Variants in IL1F10 observed in about 807,000 individuals in gnomAD.
IL1F10 encodes interleukin 1 family member 10, also known as interleukin-1 family member 10.
IL1F10 carries 13 observed loss-of-function variants against 13.1 expected under a neutral mutation model. That is an observed-to-expected ratio of 0.99 (90% CI 0.64 to 1.57). The LOEUF is 1.57. Among genes scored for constraint, IL1F10 ranks in the 40% most tolerant of loss-of-function variants. The pLI, the probability that IL1F10 is intolerant of heterozygous loss-of-function variation, is 0.00. For missense variants in IL1F10, 191 were observed against 184.1 expected (o/e 1.04, Z -0.22); for synonymous variants, 78 against 68.2 (o/e 1.14, Z -0.71).
intron 1 of IL1F10, among the ~76,000 whole-genome samples, chr2:113,071,003 A>G (rs1458936772): frequency 6.6e-6 from 1 of 152,228 alleles, no homozygotes; most frequent in Non-Finnish European, 1.5e-5. Context: ...CTTTAACTGA[A>G]CACTTCATTT....
In IL1F10 at chr2:113,074,336, T is replaced by C. The variant is rs537829080; in HGVS notation, c.40T>C (p.Tyr14His). The C allele has an allele frequency of 3.3e-5, 53 of 1,610,100 alleles. 1 individual carries two copies. The South Asian group carries it at 5.4e-4, about 16-fold the overall frequency. Residue 14 changes from tyrosine (Y) to histidine (H), a missense_variant, in exon 3 of 5, where the codon TAT (tyrosine) becomes CAT (histidine). Transcript: ENST00000341010. ...LPMARYYIIK[Y>H]ADQKALYTRD... ...ACTGTCATACTGTTTCAGAATTAAA[T>C]ATGCAGACCAGAAGGCTCTATACAC...
Position 113,074,650 on chromosome 2 carries a change from G to A in IL1F10, c.119-73G>A, listed in dbSNP as rs1415600144. 5.7e-6 allele frequency: 9 copies of A among 1,579,010 alleles called. No homozygotes were observed. In the East Asian group the frequency reaches 1.1e-4, roughly 20 times the overall value. On this transcript the variant is annotated intron_variant, in intron 3 of 4. Transcript: ENST00000341010. ...GCCCATGTCCAGTTCCTTCCTGCCT[G>A]AGCCTTTACCTGCCAAGAGCCTGCA...
intron 1 of IL1F10, among the ~76,000 whole-genome samples, chr2:113,068,938 A>G (rs1685789046): frequency 6.6e-6 from 1 of 152,226 alleles, no homozygotes; most frequent in Non-Finnish European, 1.5e-5. Flanking sequence ...CCATGAATGT[A>G]TAGTGCTGAA....
intron 1 of IL1F10, among the ~76,000 whole-genome samples, chr2:113,071,959 C>G (rs1311872955): frequency 1.3e-5 from 2 of 152,198 alleles, no homozygotes; most frequent in Non-Finnish European, 2.9e-5. Context: ...AAATTCTGGA[C>G]TGGCCTTTCC....
At chr2:113,072,497 G>A in intron 1 of IL1F10, 2 of 512,438 alleles carry the variant, frequency 3.9e-6, no homozygotes, top group Non-Finnish European at 7.0e-6. Context: ...CTGGTGGCTG[G>A]ACTTGCTCCC....
intron 1 of IL1F10, among the ~76,000 whole-genome samples, chr2:113,070,045 GTT>G (rs1685806420): frequency 6.6e-6 from 1 of 152,204 alleles, no homozygotes; most frequent in Non-Finnish European, 1.5e-5. Context: ...TGATGGCAGT[GTT>G]TGAGCCAGGA....
rs1457071893 is a variant in IL1F10, at chr2:113,075,750, C to T, written c.*386C>T. 6.4e-6 allele frequency: 1 copy of T among 156,914 alleles called. No homozygotes were observed. Among genetic ancestry groups the T allele is most frequent in the African/African-American group, 2.4e-5 (1 of 41,636 alleles). 9.7% of individuals were successfully genotyped at this position (156,914 alleles called of 1,614,324 possible). On this transcript the variant is annotated 3_prime_UTR_variant, in exon 5 of 5. Transcript: ENST00000341010. ...TCTCCTCTAGAGTCTCCGGAAGGAA[C>T]ACAGCTCTTGACACATGGATTTCAG... is the stretch of plus-strand genomic sequence containing the variant.
chr2:113,071,265 C>G lies in IL1F10; in HGVS notation c.-28-1446C>G, dbSNP rs185238740. 6.6e-5 allele frequency among the ~76,000 whole-genome samples: 10 copies of G among 152,296 alleles called. No individual in the cohort carries two copies. The East Asian group carries it at 1.2e-3, about 18-fold the overall frequency. ...CTAAAACAAGCTTCTATAATATCAT[C>G]TTTAACAAACACATACATCCTTATT... On this transcript the variant is annotated intron_variant, in intron 1 of 4. Coordinates refer to ENST00000341010, the MANE Select transcript of IL1F10 (RefSeq NM_173161.3).
In IL1F10 at chr2:113,074,387, G is replaced by A. The variant is rs201389496; in HGVS notation, c.91G>A (p.Asp31Asn). Residue 31 changes from aspartate to asparagine, a missense_variant, in exon 3 of 5, where the codon GAT becomes AAT. Coordinates refer to ENST00000341010, the MANE Select transcript of IL1F10 (RefSeq NM_173161.3). The part of the protein sequence containing the change: ...YTRDGQLLVG[D>N]PVADNCCAEK... Reference sequence around the variant, plus strand: ...AAGAGATGGCCAGCTGCTGGTGGGAGATCCTGTTGCAGACAACTGCTGTGC... The same window carrying A: ...AAGAGATGGCCAGCTGCTGGTGGGAAATCCTGTTGCAGACAACTGCTGTGC... 253 of 1,613,800 alleles carry A rather than the reference G, an allele frequency of 1.6e-4. 1 individual carries two copies. Among genetic ancestry groups the A allele is most frequent in the Admixed American group, 5.0e-5 (3 of 59,998 alleles).
intron 2 of IL1F10, among the ~76,000 whole-genome samples, chr2:113,074,040 C>T (rs1489360455): frequency 6.6e-6 from 1 of 152,140 alleles, no homozygotes; most frequent in African/African-American, 2.4e-5. Flanking sequence ...TTTCTTTACC[C>T]CTCTGTCAGA....
At chr2:113,074,604 A>G (rs1276460252) in intron 3 of IL1F10, 119 bp from the exon 4 acceptor site, 2 of 1,324,852 alleles carry the variant, frequency 1.5e-6, no homozygotes, top group Non-Finnish European at 2.2e-6. Flanking sequence ...TCCAGTCTGC[A>G]TGCAGGGCCA....
At chr2:113,074,463 C>T in intron 3 of IL1F10, 49 bp downstream of exon 3, 1 of 1,411,822 alleles carries the variant, frequency 7.1e-7, no homozygotes. Flanking sequence ...ATAGGCCCTC[C>T]CTTCTCTTCT....
At chr2:113,070,192 C>T (rs1309443308) in intron 1 of IL1F10, among the ~76,000 whole-genome samples, 1 of 152,132 alleles carries the variant, frequency 6.6e-6, no homozygotes. Flanking sequence ...GGGGGTGAGG[C>T]ATGTGGCACA....
intron 1 of IL1F10, among the ~76,000 whole-genome samples, chr2:113,069,900 G>A (rs1685800887): frequency 6.6e-6 from 1 of 152,192 alleles, no homozygotes; most frequent in Admixed American, 6.5e-5. Context: ...GGAATCAAAA[G>A]AATCTCTGGA....
intron 1 of IL1F10, among the ~76,000 whole-genome samples, chr2:113,070,267 C>A (rs28928281): frequency 1.3e-5 from 2 of 152,150 alleles, no homozygotes; most frequent in African/African-American, 2.4e-5. Context: ...ATGGACCAGA[C>A]GCTAGCTTCC....
At chr2:113,071,836 T>A (rs1685841219) in intron 1 of IL1F10, among the ~76,000 whole-genome samples, 1 of 152,108 alleles carries the variant, frequency 6.6e-6, no homozygotes, top group South Asian at 2.1e-4. Flanking sequence ...TCTATTCCCT[T>A]CTTATTTGGT....
At chr2:113,074,689 T>A in intron 3 of IL1F10, 34 bp from the exon 4 acceptor site, 1 of 1,612,414 alleles carries the variant, frequency 6.2e-7, no homozygotes, top group Non-Finnish European at 8.5e-7. Flanking sequence ...TGGGGTTCCC[T>A]TGTCCCTTGA....
At chr2:113,072,651 C>G (rs891097424) in intron 1 of IL1F10, 60 bp from the exon 2 acceptor site, 1 of 1,181,594 alleles carries the variant, frequency 8.5e-7, no homozygotes, top group Non-Finnish European at 1.2e-6. Flanking sequence ...AGCCCCAGCA[C>G]GTCTGCCTCT....
In IL1F10 at chr2:113,074,833, C is replaced by T. The variant is rs766053561; in HGVS notation, c.229C>T (p.Pro77Ser). The T allele has an allele frequency of 2.5e-6, 4 of 1,612,420 alleles. No individual in the cohort carries two copies. Among genetic ancestry groups the T allele is most frequent in the Non-Finnish European group, 3.4e-6 (4 of 1,179,898 alleles). Residue 77 changes from proline to serine, a missense_variant, in exon 4 of 5, where the codon CCT becomes TCT. Transcript: ENST00000341010. ...CLACVETEEG[P>S]SLQLEDVNIE... is the part of the protein sequence containing the mutation. ...GGCATGTGTGGAGACAGAAGAGGGG[C>T]CTTCCCTACAGCTGGAGGTGAGAGG...
Sources: allele counts gnomAD v4.1 joint callset (sites outside exome capture counted in the v4.1 genomes callset), GRCh38; gene constraint gnomAD v4.1.1; transcripts MANE v1.5; gene names NCBI Gene and HGNC (gene_info 2026-07-23, HGNC 2026-07-21).